Variants in CACNA1I observed in about 807,000 individuals in gnomAD.
The protein encoded by CACNA1I is calcium voltage-gated channel subunit alpha1 I, also known as voltage-dependent T-type calcium channel subunit alpha-1I.
Under a neutral mutation model 201.6 loss-of-function variants are expected in CACNA1I, and 74 were observed. The ratio of observed to expected loss-of-function variants is 0.37; its 90% confidence interval spans 0.30 to 0.45. CACNA1I has a LOEUF of 0.45. CACNA1I is among the 20% of genes least tolerant of loss of function. The pLI is 1.00. For synonymous variants in CACNA1I, 1,431 were observed against 1,345.2 expected (o/e 1.06, Z -1.40); for missense variants, 2,346 against 3,138.1 (o/e 0.75, Z 6.03).
chr22:39,641,872 T>C (rs1569075900), intron 6 of CACNA1I, among the ~76,000 whole-genome samples: 1 of 152,178 alleles, frequency 6.6e-6, no homozygotes, highest in Non-Finnish European at 1.5e-5. Flanking sequence ...TTTTCCCATC[T>C]TTAAAATGGG....
At position 39,673,971 on chromosome 22, in the gene CACNA1I, C is replaced by T. The variant is rs368092225; in HGVS notation, c.4792C>T (p.Leu1598=). 17 of 1,612,992 alleles carry T rather than the reference C, an allele frequency of 1.1e-5. No homozygotes were observed. Among genetic ancestry groups the T allele is most frequent in the African/African-American group, 2.7e-5 (2 of 74,900 alleles). ...RVLRIARVLK[L]LKMATGMRAL... Reference sequence around the variant, plus strand: ...CTGGGTCTCGCCCGCAGTGCTGAAGCTGTTGAAGATGGCCACAGGAATGCG... The same window carrying T: ...CTGGGTCTCGCCCGCAGTGCTGAAGTTGTTGAAGATGGCCACAGGAATGCG... The change falls in exon 29 of 37, where the codon CTG becomes TTG. Residue 1598 remains leucine, a synonymous_variant. Coordinates refer to ENST00000402142, the MANE Select transcript of CACNA1I (RefSeq NM_021096.4).
intron 7 of CACNA1I, among the ~76,000 whole-genome samples, chr22:39,644,400 T>G (rs569268947): frequency 6.6e-6 from 1 of 152,222 alleles, no homozygotes; most frequent in African/African-American, 2.4e-5. Flanking sequence ...GAAGCCTGCA[T>G]GTCCTTGGCA....
chr22:39,621,054 G>C (rs1425899568), intron 4 of CACNA1I, among the ~76,000 whole-genome samples: 1 of 152,172 alleles, frequency 6.6e-6, no homozygotes, highest in Non-Finnish European at 1.5e-5. Flanking sequence ...CACTGCACCT[G>C]GCTGCCTGGG....
intron 6 of CACNA1I, among the ~76,000 whole-genome samples, chr22:39,641,482 A>G (rs533931461): frequency 2.6e-5 from 4 of 152,260 alleles, no homozygotes; most frequent in Admixed American, 2.0e-4. Flanking sequence ...CTTGGGCCCT[A>G]TGGATCCCAG....
intron 3 of CACNA1I, among the ~76,000 whole-genome samples, chr22:39,604,664 C>T (rs1420970641): frequency 6.6e-6 from 1 of 152,030 alleles, no homozygotes; most frequent in South Asian, 2.1e-4. Context: ...TGCAGCCTCG[C>T]CCTCCCTGGA....
In CACNA1I at chr22:39,575,487, C is replaced by T. The variant is rs867922865; in HGVS notation, c.236+4499C>T. On this transcript the variant is annotated intron_variant, in intron 1 of 36. Transcript: ENST00000402142. ...CCTCACGTACTGCTGAGTCAACACT[C>T]TGCTTGCTGTAGATTCAATTAGACA... 1.5e-4 allele frequency among the ~76,000 whole-genome samples: 23 copies of T among 152,190 alleles called. No individual in the cohort carries two copies. The South Asian group carries it at 2.1e-3, about 14-fold the overall frequency.
Position 39,677,950 on chromosome 22 carries a change from C to A in CACNA1I, c.4934-37C>A, listed in dbSNP as rs374103827. The A allele has an allele frequency of 1.3e-6, 2 of 1,551,070 alleles. No homozygotes were observed. The highest frequency in any genetic ancestry group is 8.7e-7 in the Non-Finnish European group (1 of 1,148,214). ...GTCAGGGTGAGCCCCGCAGGCACTCCGCCATCGGGCAGGGCTGACCTCCTC... is the reference window on the plus strand; with the variant it reads ...GTCAGGGTGAGCCCCGCAGGCACTCAGCCATCGGGCAGGGCTGACCTCCTC... On this transcript the variant is annotated intron_variant, in intron 30 of 36. Transcript: ENST00000402142. The surrounding 1 kb of genome is among the most constrained non-coding windows in gnomAD (Gnocchi z 4.8).
chr22:39,602,500 ACGTTCTT>A (rs753134603), intron 3 of CACNA1I, among the ~76,000 whole-genome samples: 14 of 152,212 alleles, frequency 9.2e-5, no homozygotes, highest in Admixed American at 4.6e-4. Context: ...CCTCTTAGTC[ACGTTCTT>A]CGTTTTCATT....
rs1218771974 is a variant in CACNA1I at position 39,662,819 on chromosome 22, C to T, written c.3416C>T (p.Pro1139Leu). Reference sequence around the variant, plus strand: ...CGCAAGATGATCGACGTCTATAAGCCCGACTGGTGCGAGGTCCGCGAAGAC... The same window carrying T: ...CGCAAGATGATCGACGTCTATAAGCTCGACTGGTGCGAGGTCCGCGAAGAC... ...RVRKMIDVYK[P>L]DWCEVREDWS... Residue 1139 changes from proline (P) to leucine (L), a missense_variant, in exon 18 of 37, where the codon CCC becomes CTC. By Grantham distance (98) the Pro-to-Leu change is moderately conservative (BLOSUM62 -3). This residue lies in a region of CACNA1I where 158 missense variants were observed against 231.6 expected (regional missense o/e 0.68). Transcript: ENST00000402142. 2 of 1,602,352 alleles carry T rather than the reference C, an allele frequency of 1.2e-6. No individual in the cohort carries two copies. The highest frequency in any genetic ancestry group is 2.7e-5 in the African/African-American group (2 of 74,776).
In CACNA1I at chr22:39,688,488, C is replaced by G. The variant is rs193220904; in HGVS notation, c.*2083C>G. The G allele has an allele frequency of 6.6e-6, 1 of 152,320 alleles. No homozygotes were observed. The highest frequency in any genetic ancestry group is 2.4e-5 in the African/African-American group (1 of 41,564). The allele number at this position is 152,320 out of a possible 1,614,324, so 9.4% of individuals were successfully genotyped here. On this transcript the variant is annotated 3_prime_UTR_variant, in exon 37 of 37. Transcript: ENST00000402142. The surrounding 1 kb of genome is among the most constrained non-coding windows in gnomAD (Gnocchi z 4.8). ...GCTCTCGCAGTTGGAGGGAAGCAGA[C>G]AGACTTGACTTTTTGCAAGTCCGCG...
chr22:39,646,789 A>G lies in CACNA1I; in HGVS notation c.1370A>G (p.Tyr457Cys). ...RKAKRRALGL[Y>C]QALQSRRQAL... ...GCCAAGCGCCGCGCCCTGGGCCTCT[A>G]CCAGGCCCTGCAGAGCCGGCGCCAG... Residue 457 changes from tyrosine to cysteine, a missense_variant, in exon 8 of 37, where the codon TAC becomes TGC. By Grantham distance (194) the Tyr-to-Cys change is radical (BLOSUM62 -2). Coordinates refer to ENST00000402142, the MANE Select transcript of CACNA1I (RefSeq NM_021096.4). 6.4e-7 allele frequency: 1 copy of G among 1,569,042 alleles called. No homozygotes were observed. The highest frequency in any genetic ancestry group is 8.6e-7 in the Non-Finnish European group (1 of 1,157,640).
At position 39,659,623 on chromosome 22, in the gene CACNA1I, C is replaced by A; in HGVS notation, c.2448+73C>A. ...GTAGGCCTGGGAGGGGCGGGGCTGA[C>A]AACTCCCATGCCTCCTTGTAGAGCC... On this transcript the variant is annotated intron_variant, in intron 13 of 36. Coordinates refer to ENST00000402142, the MANE Select transcript of CACNA1I (RefSeq NM_021096.4). The surrounding 1 kb of genome is among the most constrained non-coding windows in gnomAD (Gnocchi z 4.3). The A allele has an allele frequency of 6.2e-7, 1 of 1,602,278 alleles. No homozygotes were observed. Among genetic ancestry groups the A allele is most frequent in the Non-Finnish European group, 8.5e-7 (1 of 1,169,868 alleles).
intron 2 of CACNA1I, 87 bp downstream of exon 2, chr22:39,598,349 T>A (rs1231998964): frequency 6.3e-6 from 3 of 476,762 alleles, no homozygotes; most frequent in South Asian, 1.9e-5. Context: ...CCCCGCCCCA[T>A]GTCCTGGCCT....
chr22:39,597,003 C>T (rs1932907829), intron 1 of CACNA1I, among the ~76,000 whole-genome samples: 2 of 152,178 alleles, frequency 1.3e-5, no homozygotes, highest in African/African-American at 4.8e-5. Context: ...GAAGGAGAAC[C>T]TACTCCCGAC....
At chr22:39,674,058 C>G in intron 29 of CACNA1I, 25 bp downstream of exon 29, 1 of 1,608,888 alleles carries the variant, frequency 6.2e-7, no homozygotes, top group South Asian at 1.1e-5. Context: ...TTCTGGCAGC[C>G]CTCCTAGGGG....
intron 4 of CACNA1I, among the ~76,000 whole-genome samples, chr22:39,634,259 C>T (rs985745314): frequency 5.9e-5 from 9 of 152,276 alleles, no homozygotes; most frequent in Admixed American, 2.0e-4. Context: ...GACTGAAGAT[C>T]ACATTTGTGC....
chr22:39,636,015 A>AG (rs1934209311), intron 5 of CACNA1I, among the ~76,000 whole-genome samples: 1 of 152,216 alleles, frequency 6.6e-6, no homozygotes, highest in South Asian at 2.1e-4. Flanking sequence ...CTACCACAGC[A>AG]GGGGCACCTG....
At chr22:39,624,929 G>A (rs1350501694) in intron 4 of CACNA1I, among the ~76,000 whole-genome samples, 1 of 117,172 alleles carries the variant, frequency 8.5e-6, no homozygotes, top group Non-Finnish European at 1.7e-5. Flanking sequence ...TTTTTTTTGA[G>A]ACAGCATCTA....
At position 39,622,829 on chromosome 22, in the gene CACNA1I, C is replaced by A. The variant is rs945328016; in HGVS notation, c.580+3422C>A. 3.3e-5 allele frequency among the ~76,000 whole-genome samples: 5 copies of A among 151,944 alleles called. 1 individual carries two copies. Among genetic ancestry groups the A allele is most frequent in the African/African-American group, 1.2e-4 (5 of 41,350 alleles). ...CAGGGGCCAGCACAGAGGGCCACGT[C>A]GCTCCTGGCTCCCACCCACAGTGCT... On this transcript the variant is annotated intron_variant, in intron 4 of 36. Transcript: ENST00000402142.
Sources: allele counts gnomAD v4.1 joint callset (sites outside exome capture counted in the v4.1 genomes callset), GRCh38; gene constraint gnomAD v4.1.1; regional missense constraint gnomAD v4.1.1; non-coding constraint Gnocchi (gnomAD v3.1); transcripts MANE v1.5; gene names NCBI Gene and HGNC (gene_info 2026-07-23, HGNC 2026-07-21).